Variants in UBE2G1 observed in about 807,000 individuals in gnomAD.
UBE2G1 encodes the protein ubiquitin-conjugating enzyme E2 G1.
A neutral mutation model predicts 22.7 loss-of-function variants in UBE2G1; 5 were observed. The ratio of observed to expected loss-of-function variants is 0.22; its 90% CI spans 0.12 to 0.46. The LOEUF is 0.46. UBE2G1 is among the 20% of genes least tolerant of loss of function. The pLI is 0.99. For synonymous variants in UBE2G1, 74 were observed against 67.5 expected, an observed-to-expected ratio of 1.10 and a Z score of -0.47; for missense variants, 88 against 203.9, an observed-to-expected ratio of 0.43 and a Z score of 3.46.
In UBE2G1 at chr17:4,289,099, G is replaced by GA. The variant is rs1203997907; in HGVS notation, c.426+130dup. The GA allele has an allele frequency of 5.0e-6, 3 of 595,886 alleles. No homozygotes were observed. In the East Asian group the frequency reaches 1.1e-4, roughly 22 times the overall value. 36.9% of individuals were successfully genotyped at this position (595,886 alleles called of 1,614,324 possible). A position where few individuals can be genotyped will look rare whatever the true frequency, so the allele number is the denominator to read the frequency against. ...ATTTTGTCAAAAATAAGAACTATGG[G>GA]AAGAGATACACACACACACACACAC... On this transcript the variant is annotated intron_variant, in intron 4 of 5. Transcript: ENST00000396981.
intron 1 of UBE2G1, among the ~76,000 whole-genome samples, chr17:4,336,684 AC>A (rs1367766957): frequency 6.6e-6 from 1 of 151,826 alleles, no homozygotes; most frequent in Non-Finnish European, 1.5e-5. Flanking sequence ...GCACCACCAC[AC>A]CCAGCTAATT....
chr17:4,347,463 T>TTTC (rs1289179747), intron 1 of UBE2G1, among the ~76,000 whole-genome samples: 22 of 136,322 alleles, frequency 1.6e-4, no homozygotes, highest in African/African-American at 5.4e-4. Context: ...TCTCACAGTA[T>TTTC]TTCTTCTTTT....
At chr17:4,279,829 A>ATATATATATG (rs1567513717) in intron 5 of UBE2G1, among the ~76,000 whole-genome samples, 1 of 142,908 alleles carries the variant, frequency 7.0e-6, no homozygotes, top group African/African-American at 2.9e-5. Flanking sequence ...ATATATATAT[A>ATATATATATG]TATGAACCTC....
intron 1 of UBE2G1, among the ~76,000 whole-genome samples, chr17:4,334,736 A>C (rs911723212): frequency 2.2e-4 from 33 of 152,046 alleles, no homozygotes; most frequent in Admixed American, 4.6e-4. Context: ...GACAGCTTTC[A>C]CCATGTTGGC....
intron 1 of UBE2G1, among the ~76,000 whole-genome samples, chr17:4,317,092 G>A (rs1207159039): frequency 6.6e-6 from 1 of 152,114 alleles, no homozygotes; most frequent in Non-Finnish European, 1.5e-5. Flanking sequence ...GCTCACGCCT[G>A]TAATCCCAGT....
intron 1 of UBE2G1, among the ~76,000 whole-genome samples, chr17:4,311,712 T>C (rs1598189802): frequency 6.6e-6 from 1 of 152,326 alleles, no homozygotes; most frequent in East Asian, 1.9e-4. Flanking sequence ...ATCGAGCTGG[T>C]GGCTGGCTGC....
intron 1 of UBE2G1, among the ~76,000 whole-genome samples, chr17:4,334,252 A>C (rs1969617950): frequency 6.6e-6 from 1 of 151,934 alleles, no homozygotes; most frequent in Non-Finnish European, 1.5e-5. Context: ...TTTCTAGCAC[A>C]TTTTGTAATT....
intron 1 of UBE2G1, among the ~76,000 whole-genome samples, chr17:4,361,333 C>G (rs898989365): frequency 1.3e-5 from 2 of 152,028 alleles, no homozygotes; most frequent in Admixed American, 1.3e-4. Flanking sequence ...TCAAGACCAG[C>G]CTGGCCAACA....
chr17:4,364,193 G>A (rs1471682399), intron 1 of UBE2G1: 1 of 147,288 alleles, frequency 6.8e-6, no homozygotes, highest in Non-Finnish European at 1.5e-5. Context: ...GAACCCAGGA[G>A]GCAGAGGTTG....
At chr17:4,279,671 A>T (rs931230815) in intron 5 of UBE2G1, among the ~76,000 whole-genome samples, 1 of 151,846 alleles carries the variant, frequency 6.6e-6, no homozygotes, top group Non-Finnish European at 1.5e-5. Flanking sequence ...GCACTCTGGG[A>T]CGCTGAGGCA....
intron 1 of UBE2G1, among the ~76,000 whole-genome samples, chr17:4,320,854 C>G (rs1195329968): frequency 1.3e-5 from 2 of 152,064 alleles, no homozygotes; most frequent in Non-Finnish European, 2.9e-5. Context: ...GTTCCCACCA[C>G]CATACCTCTT....
chr17:4,365,895 G>A (rs1046663351), intron 1 of UBE2G1, among the ~76,000 whole-genome samples: 1 of 152,142 alleles, frequency 6.6e-6, no homozygotes, highest in African/African-American at 2.4e-5. Flanking sequence ...CGGCCCCGAA[G>A]GTCCGGCGGC....
At chr17:4,300,793 T>C (rs565749591) in intron 2 of UBE2G1, among the ~76,000 whole-genome samples, 4 of 151,324 alleles carry the variant, frequency 2.6e-5, no homozygotes, top group African/African-American at 7.3e-5. Flanking sequence ...TGAAATCCCA[T>C]CTCTACTAAA....
chr17:4,328,041 C>T (rs932874798), intron 1 of UBE2G1, among the ~76,000 whole-genome samples: 4 of 152,078 alleles, frequency 2.6e-5, no homozygotes, highest in African/African-American at 9.7e-5. Flanking sequence ...GCAAGTAGAC[C>T]GATACTCTCA....
chr17:4,325,116 A>C (rs891508144), intron 1 of UBE2G1, among the ~76,000 whole-genome samples: 10 of 152,090 alleles, frequency 6.6e-5, no homozygotes, highest in Non-Finnish European at 1.0e-4. Context: ...CAAAAAACAA[A>C]AAAAAAAAGT....
intron 3 of UBE2G1, among the ~76,000 whole-genome samples, chr17:4,293,071 A>T (rs548062674): frequency 6.6e-6 from 1 of 152,246 alleles, no homozygotes; most frequent in South Asian, 2.1e-4. Context: ...CAATACCACA[A>T]TCAATTTTAG....
chr17:4,342,551 CT>C (rs1969723395), intron 1 of UBE2G1, among the ~76,000 whole-genome samples: 1 of 152,158 alleles, frequency 6.6e-6, no homozygotes, highest in Non-Finnish European at 1.5e-5. Flanking sequence ...CACTGAACTC[CT>C]GCTGGGCAAC....
intron 1 of UBE2G1, among the ~76,000 whole-genome samples, chr17:4,317,635 T>C (rs925061777): frequency 3.9e-5 from 6 of 152,266 alleles, no homozygotes; most frequent in Non-Finnish European, 5.9e-5. Context: ...TAAAAAGAAT[T>C]TGTCAATATG....
At chr17:4,298,884 A>G (rs1598185117) in intron 2 of UBE2G1, among the ~76,000 whole-genome samples, 1 of 152,222 alleles carries the variant, frequency 6.6e-6, no homozygotes, top group African/African-American at 2.4e-5. Context: ...ATCTATTGAA[A>G]GGAAGAAGCA....
Sources: allele counts gnomAD v4.1 joint callset (sites outside exome capture counted in the v4.1 genomes callset), GRCh38; gene constraint gnomAD v4.1.1; transcripts MANE v1.5; gene names NCBI Gene and HGNC (gene_info 2026-07-23, HGNC 2026-07-21).